Variants in CTDP1 observed in about 807,000 individuals in gnomAD.
CTDP1 encodes the protein RNA polymerase II subunit A C-terminal domain phosphatase.
Under a neutral mutation model 91.8 loss-of-function variants are expected in CTDP1, and 47 were observed. That is an observed-to-expected ratio of 0.51 (90% confidence interval 0.41 to 0.65). CTDP1 has a LOEUF of 0.65. Among genes scored for constraint, CTDP1 ranks in the 30% least tolerant of loss-of-function variants. The pLI is 0.00. For synonymous variants in CTDP1, 656 were observed against 598.5 expected (o/e 1.10, Z -1.40); for missense variants, 1,272 against 1,373.7 (o/e 0.93, Z 1.17).
At chr18:79,680,461 A>T (rs141148211) in intron 1 of CTDP1, among the ~76,000 whole-genome samples, 200 bp downstream of exon 1, 3 of 152,210 alleles carry the variant, frequency 2.0e-5, no homozygotes, top group African/African-American at 7.2e-5. Flanking sequence ...ATTTTGAGAT[A>T]AAAGGAAAGG....
chr18:79,719,813 C>T (rs2039576582), intron 10 of CTDP1, among the ~76,000 whole-genome samples: 1 of 145,958 alleles, frequency 6.9e-6, no homozygotes, highest in African/African-American at 2.6e-5. Context: ...CCCATTGTGT[C>T]CTGGTGATGA....
At chr18:79,679,795 C>T, upstream of CTDP1, 1 of 679,846 alleles carries the variant, frequency 1.5e-6, no homozygotes, top group Non-Finnish European at 2.3e-6. Context: ...CGTCACGCGC[C>T]CTCCAGGAAG....
In CTDP1 at chr18:79,729,161, T is replaced by C. The variant is rs540912229; in HGVS notation, c.2580+92T>C. 6 of 1,536,430 alleles carry C rather than the reference T, an allele frequency of 3.9e-6. No homozygotes were observed. In the African/African-American group the frequency reaches 8.2e-5, roughly 21 times the overall value. ...CGGGCGGATTGCTGAGCTGTGCACCTGGAGGCCGAGCTAGAGTCCTGCACT... is the reference window on the plus strand; with the variant it reads ...CGGGCGGATTGCTGAGCTGTGCACCCGGAGGCCGAGCTAGAGTCCTGCACT... On this transcript the variant is annotated intron_variant, in intron 11 of 12. Coordinates refer to ENST00000613122, the MANE Select transcript of CTDP1 (RefSeq NM_004715.5).
Position 79,694,424 on chromosome 18 carries a change from C to T in CTDP1, c.315-801C>T, listed in dbSNP as rs1164151706. Among the ~76,000 whole-genome samples, 2 of 106,012 alleles carry T rather than the reference C, an allele frequency of 1.9e-5. 1 individual carries two copies. Among genetic ancestry groups the T allele is most frequent in the East Asian group, 6.2e-4 (2 of 3,208 alleles). 69.5% of individuals were successfully genotyped at this position (106,012 alleles called of 152,430 possible). ...GCGGGGCGCGGTGGTCGGAGCAGCC[C>T]GGCTGGGATGGGAGTGTGGGGGCTA... On this transcript the variant is annotated intron_variant, in intron 1 of 12. Coordinates refer to ENST00000613122, the MANE Select transcript of CTDP1 (RefSeq NM_004715.5).
chr18:79,719,942 TAGGA>T (rs1404810599), intron 10 of CTDP1, among the ~76,000 whole-genome samples: 1 of 146,638 alleles, frequency 6.8e-6, no homozygotes, highest in Non-Finnish European at 1.5e-5. Flanking sequence ...CTCCCATCAT[TAGGA>T]AGGCATCCTG....
chr18:79,708,214 A>G (rs1446259461), intron 5 of CTDP1, among the ~76,000 whole-genome samples: 1 of 152,246 alleles, frequency 6.6e-6, no homozygotes, highest in Non-Finnish European at 1.5e-5. Context: ...CGGATCCCAC[A>G]GTGCATTGTG....
intron 12 of CTDP1, among the ~76,000 whole-genome samples, chr18:79,736,944 T>A (rs1403538630): frequency 1.3e-5 from 2 of 151,222 alleles, no homozygotes; most frequent in Non-Finnish European, 2.9e-5. Context: ...ATGTACGGGG[T>A]CTGTATGTGT....
intron 4 of CTDP1, among the ~76,000 whole-genome samples, chr18:79,699,243 A>G (rs1167628211): frequency 1.3e-5 from 2 of 151,656 alleles, no homozygotes; most frequent in Non-Finnish European, 2.9e-5. Context: ...CATACCCGCT[A>G]CTCTACTCAC....
intron 12 of CTDP1, among the ~76,000 whole-genome samples, chr18:79,739,455 G>A (rs1260145071): frequency 6.6e-6 from 1 of 151,580 alleles, no homozygotes. Context: ...TGACCCTCAC[G>A]GGTGAAACCA....
chr18:79,753,758 G>A lies in CTDP1; in HGVS notation c.2854G>A (p.Ala952Thr), dbSNP rs1343959902. 2 of 1,613,718 alleles carry A rather than the reference G, an allele frequency of 1.2e-6. No homozygotes were observed. Among genetic ancestry groups the A allele is most frequent in the Non-Finnish European group, 1.7e-6 (2 of 1,179,996 alleles). The change falls in exon 13 of 13, where the codon GCG becomes ACG. Residue 952 changes from alanine to threonine, a missense_variant. This residue lies in a region of CTDP1 where 881 missense variants were observed against 911.6 expected (regional missense o/e 0.97). Coordinates refer to ENST00000613122, the MANE Select transcript of CTDP1 (RefSeq NM_004715.5). The part of the protein sequence containing the change: ...SSSEADEMAK[A>T]LEAELNDLM ...CTCCGAGGCCGACGAGATGGCCAAG[G>A]CGCTGGAGGCGGAGCTCAACGACCT... is the stretch of plus-strand genomic sequence containing the variant.
chr18:79,695,518 C>T lies in CTDP1; in HGVS notation c.398+210C>T, dbSNP rs112906035. Among the ~76,000 whole-genome samples the T allele has an allele frequency of 0.019, 2,874 of 152,250 alleles. 101 individuals are homozygous for T. Among genetic ancestry groups the T allele is most frequent in the African/African-American group, 0.065 (2,714 of 41,538 alleles). ...TCTGTGACCCCAGCCTCATGCCATT[C>T]TCAGGTGTGGTGGGGGGGCATGCTG... On this transcript the variant is annotated intron_variant, in intron 2 of 12. Coordinates refer to ENST00000613122, the MANE Select transcript of CTDP1 (RefSeq NM_004715.5).
chr18:79,736,151 CTG>C (rs1288123826), intron 11 of CTDP1: 1 of 652,228 alleles, frequency 1.5e-6, no homozygotes, highest in Admixed American at 2.7e-5. Context: ...TGGGTTTGCT[CTG>C]TGGATTTCCA....
At chr18:79,748,640 A>G (rs967534708) in intron 12 of CTDP1, among the ~76,000 whole-genome samples, 1 of 152,250 alleles carries the variant, frequency 6.6e-6, no homozygotes, top group Non-Finnish European at 1.5e-5. Context: ...AGAAGCACTT[A>G]GCACAGCCCC....
In CTDP1 at chr18:79,679,894, G is replaced by T. The variant is rs1204564329; in HGVS notation, c.-54G>T. The T allele has an allele frequency of 1.5e-6, 2 of 1,338,128 alleles. No homozygotes were observed. The highest frequency in any genetic ancestry group is 1.6e-5 in the African/African-American group (1 of 63,328). The allele number at this position is 1,338,128 out of a possible 1,614,324, so 82.9% of individuals were successfully genotyped here. On this transcript the variant is annotated 5_prime_UTR_variant, in exon 1 of 13. Transcript: ENST00000613122. Reference sequence around the variant, plus strand: ...GTTGTGTCGCCGCGGTAGGCGCTGCGCTCTGAGCGCAGCGCAGGCCCCGTA... The same window carrying T: ...GTTGTGTCGCCGCGGTAGGCGCTGCTCTCTGAGCGCAGCGCAGGCCCCGTA...
At chr18:79,748,301 G>A (rs1274514473) in intron 12 of CTDP1, among the ~76,000 whole-genome samples, 1 of 152,236 alleles carries the variant, frequency 6.6e-6, no homozygotes, top group African/African-American at 2.4e-5. Context: ...TGCCACCTTA[G>A]TGAGGCGCTC....
intron 12 of CTDP1, 113 bp from the exon 13 acceptor site, chr18:79,753,539 T>G (rs1474605064): frequency 1.3e-6 from 2 of 1,528,372 alleles, no homozygotes; most frequent in Admixed American, 3.6e-5. Flanking sequence ...GACCAGAGAA[T>G]TGTGCCGTCT....
Position 79,679,810 on chromosome 18 carries a change from C to T in CTDP1, c.-138C>T. ...CGTCACGCGCCCTCCAGGAAGTCGG[C>T]GCGGGCTAGGCGACGGGTGGAAGCC... On this transcript the variant is annotated 5_prime_UTR_variant, in exon 1 of 13. Coordinates refer to ENST00000613122, the MANE Select transcript of CTDP1 (RefSeq NM_004715.5). The T allele has an allele frequency of 2.4e-6, 2 of 829,462 alleles. No individual in the cohort carries two copies. The highest frequency in any genetic ancestry group is 3.5e-6 in the Non-Finnish European group (2 of 570,330). 51.4% of individuals were successfully genotyped at this position (829,462 alleles called of 1,614,324 possible).
chr18:79,744,473 C>A (rs542779772), intron 12 of CTDP1, among the ~76,000 whole-genome samples: 1 of 152,124 alleles, frequency 6.6e-6, no homozygotes, highest in Non-Finnish European at 1.5e-5. Context: ...AGCAGAGTGG[C>A]GGTGTGAACG....
upstream of CTDP1, chr18:79,678,881 G>A (rs1026544102): frequency 3.0e-4 from 53 of 174,532 alleles, no homozygotes; most frequent in East Asian, 8.4e-3. Context: ...GTCTTGCTAC[G>A]TTGCGCAGGC....
Sources: gnomAD v4.1 joint callset for allele counts (sites outside exome capture counted in the v4.1 genomes callset) on GRCh38, gnomAD v4.1.1 for gene constraint, gnomAD v4.1.1 regional missense constraint, MANE v1.5 for transcripts, NCBI Gene and HGNC (gene_info 2026-07-23, HGNC 2026-07-21) for gene names.